The following UBE2G2 variants were observed in gnomAD, a reference collection of about 807,000 sequenced individuals.
UBE2G2 encodes ubiquitin conjugating enzyme E2 G2, also known as ubiquitin-conjugating enzyme E2 G2.
In UBE2G2, 10 loss-of-function variants were observed where a neutral mutation model predicts 23.0. The ratio of observed to expected loss-of-function variants is 0.43; its 90% CI spans 0.27 to 0.74. UBE2G2 has a LOEUF of 0.74. Among genes scored for constraint, UBE2G2 ranks in the 30% least tolerant of loss-of-function variants. The pLI is 0.19. For missense variants in UBE2G2, 150 were observed against 218.3 expected (o/e 0.69, Z 1.97); for synonymous variants, 86 against 81.3 (o/e 1.06, Z -0.31).
chr21:44,781,073 C>T (rs961772421), intron 3 of UBE2G2, among the ~76,000 whole-genome samples: 1 of 152,186 alleles, frequency 6.6e-6, no homozygotes, highest in Admixed American at 6.5e-5. Flanking sequence ...TCAAGTTTGT[C>T]ACAGCACATA....
chr21:44,786,298 G>A (rs541133609), intron 3 of UBE2G2, among the ~76,000 whole-genome samples: 22 of 152,264 alleles, frequency 1.4e-4, no homozygotes, highest in African/African-American at 4.6e-4. Context: ...GTATACAGCC[G>A]CACAGTCCAC....
chr21:44,788,445 A>G (rs1003326456), intron 1 of UBE2G2, among the ~76,000 whole-genome samples: 8 of 151,672 alleles, frequency 5.3e-5, no homozygotes, highest in African/African-American at 1.9e-4. Flanking sequence ...GCCCACCACC[A>G]CGCCCAGCTA....
At chr21:44,779,167 C>A (rs1023286227) in intron 3 of UBE2G2, 28 of 422,082 alleles carry the variant, frequency 6.6e-5, no homozygotes, top group African/African-American at 5.0e-4. Flanking sequence ...TCAGGGCTGT[C>A]GGCAGCAACA....
intron 4 of UBE2G2, 147 bp from the exon 5 acceptor site, chr21:44,773,834 G>C (rs1479781168): frequency 9.0e-7 from 1 of 1,112,644 alleles, no homozygotes; most frequent in African/African-American, 1.6e-5. Flanking sequence ...CTGGGGCCCT[G>C]AGTGTCACGC....
Position 44,771,575 on chromosome 21 carries a change from G to GT in UBE2G2, c.386-87_386-86insA. 1 of 1,376,948 alleles carries GT rather than the reference G, an allele frequency of 7.3e-7. No homozygotes were observed. Among genetic ancestry groups the GT allele is most frequent in the East Asian group, 2.3e-5 (1 of 43,716 alleles). The allele number at this position is 1,376,948 out of a possible 1,614,324, so 85.3% of individuals were successfully genotyped here. On this transcript the variant is annotated intron_variant, in intron 5 of 5. Coordinates refer to ENST00000345496, the MANE Select transcript of UBE2G2 (RefSeq NM_003343.6). This position sits in a 1 kb window ranked among gnomAD's most constrained non-coding sequence, Gnocchi z 4.6. ...AGGTCTCCCATTTATTTAAAACACT[G>GT]GCGGGGGCTTTCAAGAGCTGTGTCC...
At chr21:44,795,855 A>G (rs1321928099) in intron 1 of UBE2G2, among the ~76,000 whole-genome samples, 2 of 152,232 alleles carry the variant, frequency 1.3e-5, no homozygotes, top group African/African-American at 4.8e-5. Flanking sequence ...AAAGACATGT[A>G]CATTTAGGAC....
chr21:44,798,121 A>G (rs891717304), intron 1 of UBE2G2, among the ~76,000 whole-genome samples: 1 of 152,206 alleles, frequency 6.6e-6, no homozygotes, highest in Non-Finnish European at 1.5e-5. Flanking sequence ...GTGCCACTGC[A>G]CTCCAACCTG....
chr21:44,801,158 T>C (rs776688759), intron 1 of UBE2G2: 10 of 211,492 alleles, frequency 4.7e-5, no homozygotes, highest in Non-Finnish European at 6.5e-5. Context: ...CCTCAGACAT[T>C]AGAAATATCT....
intron 1 of UBE2G2, among the ~76,000 whole-genome samples, chr21:44,791,826 T>C (rs2083047356): frequency 6.6e-6 from 1 of 150,956 alleles, no homozygotes; most frequent in Admixed American, 6.6e-5. Flanking sequence ...CCAAAGACAC[T>C]CAATGCCCAC....
intron 4 of UBE2G2, chr21:44,774,677 A>G (rs1208286752): frequency 2.2e-6 from 1 of 455,772 alleles, no homozygotes; most frequent in Non-Finnish European, 4.4e-6. Flanking sequence ...CTGAACCACA[A>G]CTTCTCATTC....
chr21:44,784,245 C>T (rs1215988428), intron 3 of UBE2G2, among the ~76,000 whole-genome samples: 4 of 151,952 alleles, frequency 2.6e-5, no homozygotes, highest in South Asian at 2.1e-4. Flanking sequence ...GAAGGAAGGA[C>T]GGACAGACGG....
chr21:44,795,289 TAAAAC>T lies in UBE2G2; in HGVS notation c.43+6412_43+6416del, dbSNP rs1555963541. 6.6e-5 allele frequency among the ~76,000 whole-genome samples: 10 copies of T among 151,338 alleles called. No homozygotes were observed. In the South Asian group the frequency reaches 1.9e-3, roughly 29 times the overall value. The stretch of plus-strand genomic sequence containing the variant: ...TAAAAAATAAAAAAAAATAAATAAA[TAAAAC>T]AAAACCTCAGTAAGACTGCTATACA... On this transcript the variant is annotated intron_variant, in intron 1 of 5. Coordinates refer to ENST00000345496, the MANE Select transcript of UBE2G2 (RefSeq NM_003343.6).
chr21:44,773,904 C>T (rs967822381), intron 4 of UBE2G2: 1 of 539,444 alleles, frequency 1.9e-6, no homozygotes, highest in African/African-American at 1.9e-5. Flanking sequence ...CCAGGCTGAC[C>T]CAGCCAGTTC....
Position 44,768,725 on chromosome 21 carries a change from C to A in UBE2G2, c.*2652G>T, listed in dbSNP as rs140665416. The A allele has an allele frequency of 6.6e-6, 1 of 152,226 alleles. No homozygotes were observed. Among genetic ancestry groups the A allele is most frequent in the South Asian group, 2.1e-4 (1 of 4,824 alleles). 9.4% of individuals were successfully genotyped at this position (152,226 alleles called of 1,614,324 possible). On this transcript the variant is annotated 3_prime_UTR_variant, in exon 6 of 6. Coordinates refer to ENST00000345496, the MANE Select transcript of UBE2G2 (RefSeq NM_003343.6). Reference sequence around the variant, plus strand: ...CTTCTAAGCAACTGCAGGAGGGAAGCGCAGTCGGAACAGCCTGCTGGCTTC... The same window carrying A: ...CTTCTAAGCAACTGCAGGAGGGAAGAGCAGTCGGAACAGCCTGCTGGCTTC...
At chr21:44,779,163 C>T (rs782483694) in intron 3 of UBE2G2, 11 of 418,100 alleles carry the variant, frequency 2.6e-5, no homozygotes, top group South Asian at 1.7e-4. Flanking sequence ...GCACTCAGGG[C>T]TGTCGGCAGC....
intron 1 of UBE2G2, 119 bp downstream of exon 1, chr21:44,801,587 A>G (rs2146413245): frequency 7.6e-7 from 1 of 1,323,912 alleles, no homozygotes; most frequent in East Asian, 3.1e-5. Context: ...AGGGGGGCTC[A>G]CGGTGGAGGC....
intron 1 of UBE2G2, chr21:44,800,510 A>T (rs2083127025): frequency 6.6e-6 from 1 of 152,236 alleles, no homozygotes; most frequent in Non-Finnish European, 1.5e-5. Flanking sequence ...AAGTTATGAG[A>T]GGCTATGCAT....
chr21:44,786,671 T>C (rs1301936510), intron 3 of UBE2G2, among the ~76,000 whole-genome samples: 1 of 152,230 alleles, frequency 6.6e-6, no homozygotes, highest in African/African-American at 2.4e-5. Flanking sequence ...TTAAGATCAC[T>C]TCAAGCCAGA....
chr21:44,788,287 G>GTTTTTTTTTTTTTTTTTT (rs71326069), intron 1 of UBE2G2, among the ~76,000 whole-genome samples, 192 bp from the exon 2 acceptor site: 1 of 135,594 alleles, frequency 7.4e-6, no homozygotes, highest in African/African-American at 2.7e-5. Flanking sequence ...AAGTTTTTTT[G>GTTTTTTTTTTTTTTTTTT]TTTTTTTTTT....
Sources: allele counts gnomAD v4.1 joint callset (sites outside exome capture counted in the v4.1 genomes callset), GRCh38; gene constraint gnomAD v4.1.1; non-coding constraint Gnocchi (gnomAD v3.1); transcripts MANE v1.5; gene names NCBI Gene and HGNC (gene_info 2026-07-23, HGNC 2026-07-21).